Variants in TF observed in about 807,000 individuals in gnomAD.
The protein encoded by TF is serotransferrin.
In TF, 55 loss-of-function variants were observed where a neutral mutation model predicts 82.4. The ratio of observed to expected loss-of-function variants is 0.67; its 90% confidence interval spans 0.54 to 0.84. TF has a LOEUF of 0.84. TF is among the 40% of genes least tolerant of loss of function. The pLI is 0.00. For synonymous variants in TF, 332 were observed against 332.6 expected (o/e 1.00, Z 0.02); for missense variants, 737 against 868.4 (o/e 0.85, Z 1.90).
At chr3:133,733,310 C>A in the TF span, among the ~76,000 whole-genome samples, 469 of 152,292 alleles carry the variant, frequency 3.1e-3, 1 homozygote, top group African/African-American at 0.011. Flanking sequence ...GTGACACAGG[C>A]TGCCTATTTC....
chr3:133,742,194 C>T (rs977544068), upstream of TF, among the ~76,000 whole-genome samples: 7 of 152,142 alleles, frequency 4.6e-5, no homozygotes, highest in African/African-American at 1.7e-4. Context: ...ATTGCCCAGG[C>T]TGGTCTTGAA....
At chr3:133,724,610 G>A in the TF span, among the ~76,000 whole-genome samples, 1 of 152,152 alleles carries the variant, frequency 6.6e-6, no homozygotes, top group African/African-American at 2.4e-5. Context: ...TAGGCTGCCT[G>A]TTCACTCTGA....
At chr3:133,747,789 C>T (rs906472399) in intron 1 of TF, among the ~76,000 whole-genome samples, 4 of 152,122 alleles carry the variant, frequency 2.6e-5, no homozygotes, top group East Asian at 1.9e-4. Context: ...TAATTCTTTT[C>T]GTTAATTTAC....
chr3:133,721,218 G>A, the TF span, among the ~76,000 whole-genome samples: 1 of 152,050 alleles, frequency 6.6e-6, no homozygotes, highest in Non-Finnish European at 1.5e-5. Context: ...TCTTGATGTA[G>A]ATGTTTATTG....
At chr3:133,776,825 G>A (rs567535655) in intron 15 of TF, among the ~76,000 whole-genome samples, 4 of 152,134 alleles carry the variant, frequency 2.6e-5, no homozygotes, top group Non-Finnish European at 5.9e-5. Flanking sequence ...AGAGGAAGGT[G>A]GGACCAGGGA....
In TF at chr3:133,748,502, T is replaced by C. The variant is rs538522488; in HGVS notation, c.134T>C (p.Met45Thr). The change falls in exon 2 of 17, where the codon ATG becomes ACG. Residue 45 changes from methionine to threonine, a missense_variant. Transcript: ENST00000402696. ...ATKCQSFRDH[M>T]KSVIPSDGPS... ...AAGTGCCAGAGTTTCCGCGACCATA[T>C]GAAAAGCGTCATTCCATCCGATGGT... 6.2e-7 allele frequency: 1 copy of C among 1,614,126 alleles called. No homozygotes were observed. The highest frequency in any genetic ancestry group is 2.2e-5 in the East Asian group (1 of 44,842).
chr3:133,705,082 C>T, the TF span, among the ~76,000 whole-genome samples: 3 of 152,148 alleles, frequency 2.0e-5, no homozygotes, highest in Non-Finnish European at 2.9e-5. Flanking sequence ...CGAGACCAGC[C>T]TGGCCAACAT....
At chr3:133,669,488 T>G in the TF span, among the ~76,000 whole-genome samples, 1 of 152,234 alleles carries the variant, frequency 6.6e-6, no homozygotes, top group African/African-American at 2.4e-5. Context: ...GTTCCCATCC[T>G]CTTTACAATT....
intron 15 of TF, among the ~76,000 whole-genome samples, chr3:133,776,580 A>G (rs932877997): frequency 3.9e-5 from 6 of 152,168 alleles, no homozygotes; most frequent in African/African-American, 2.4e-5. Context: ...AGATCTGGAG[A>G]AGCTGAGTGG....
chr3:133,727,278 G>A, the TF span, among the ~76,000 whole-genome samples: 2 of 151,800 alleles, frequency 1.3e-5, no homozygotes, highest in Non-Finnish European at 2.9e-5. Context: ...CATTATTATT[G>A]TGTGGGAGTC....
chr3:133,735,558 A>G, the TF span, among the ~76,000 whole-genome samples: 1 of 152,154 alleles, frequency 6.6e-6, no homozygotes, highest in Non-Finnish European at 1.5e-5. Flanking sequence ...AAAACCTTGA[A>G]AAAAGGTTAG....
chr3:133,746,523 C>T, intron 1 of TF, 40 bp downstream of exon 1: 2 of 1,572,118 alleles, frequency 1.3e-6, no homozygotes, highest in Non-Finnish European at 1.7e-6. Flanking sequence ...AGTCGCTGGC[C>T]CGCGCGTTCC....
chr3:133,715,337 C>T, the TF span, among the ~76,000 whole-genome samples: 3 of 152,140 alleles, frequency 2.0e-5, no homozygotes, highest in Admixed American at 1.3e-4. Context: ...CCATATCTAC[C>T]CACATGCCAG....
Position 133,748,782 on chromosome 3 carries a change from T to C in TF, c.216+198T>C, listed in dbSNP as rs540595021. ...GGAAAGCAAAAGTCAAAAAGCACAT[T>C]AACTTTTGCTTTCCAGACACAGTAG... On this transcript the variant is annotated intron_variant, in intron 2 of 16. Coordinates refer to ENST00000402696, the MANE Select transcript of TF (RefSeq NM_001063.4). The C allele has an allele frequency of 6.6e-4, 450 of 676,846 alleles. 2 individuals are homozygous for C. The highest frequency in any genetic ancestry group is 1.0e-3 in the Non-Finnish European group (405 of 394,824). 41.9% of individuals were successfully genotyped at this position (676,846 alleles called of 1,614,324 possible).
At chr3:133,737,628 G>T in the TF span, among the ~76,000 whole-genome samples, 4 of 152,194 alleles carry the variant, frequency 2.6e-5, no homozygotes, top group African/African-American at 9.6e-5. Context: ...TGATAAAGGG[G>T]ATATCACCAC....
rs1933874071 is a variant in TF, at chr3:133,757,708, C to T, written c.871-61C>T. 3.3e-6 allele frequency: 5 copies of T among 1,495,264 alleles called. No homozygotes were observed. In the African/African-American group the frequency reaches 5.5e-5, roughly 17 times the overall value. 92.6% of individuals were successfully genotyped at this position (1,495,264 alleles called of 1,614,324 possible). On this transcript the variant is annotated intron_variant, in intron 7 of 16. Coordinates refer to ENST00000402696, the MANE Select transcript of TF (RefSeq NM_001063.4). ...TGCAGAGATTTCTTTTCTCTTCAGT[C>T]CCATTTCTCAGCCTCCTTTCTTCTG...
At chr3:133,700,898 A>G in the TF span, 1 of 152,736 alleles carries the variant, frequency 6.5e-6, no homozygotes, top group East Asian at 1.9e-4. Flanking sequence ...TTTGGAAAAG[A>G]CAAGTCGTCA....
At chr3:133,735,082 G>T in the TF span, among the ~76,000 whole-genome samples, 2 of 152,042 alleles carry the variant, frequency 1.3e-5, no homozygotes, top group South Asian at 4.1e-4. Context: ...AAAAAATTGT[G>T]CTGTTGTCCC....
chr3:133,770,556 C>T lies in TF; in HGVS notation c.1671C>T (p.Val557=), dbSNP rs770382421. The T allele has an allele frequency of 1.9e-6, 3 of 1,614,092 alleles. No individual in the cohort carries two copies. In the Admixed American group the frequency reaches 5.0e-5, roughly 27 times the overall value. ...TGGCCTTTGTGAAACACCAGACTGT[C>T]CCACAGAACACTGGGGGTAAGTGCA... ...GDVAFVKHQT[V]PQNTGGKNPD... The change falls in exon 14 of 17, where the codon GTC becomes GTT. Residue 557 remains valine, a synonymous_variant. Coordinates refer to ENST00000402696, the MANE Select transcript of TF (RefSeq NM_001063.4).
Sources: gnomAD v4.1 joint callset for allele counts (sites outside exome capture counted in the v4.1 genomes callset) on GRCh38, gnomAD v4.1.1 for gene constraint, MANE v1.5 for transcripts, NCBI Gene and HGNC (gene_info 2026-07-23, HGNC 2026-07-21) for gene names.